The following GRIP1 variants were observed in gnomAD, a reference collection of about 807,000 sequenced individuals.
GRIP1 encodes the protein glutamate receptor interacting protein 1, also known as glutamate receptor-interacting protein 1.
GRIP1 carries 45 observed loss-of-function variants against 129.9 expected under a neutral mutation model. That is an observed-to-expected ratio of 0.35 (90% CI 0.27 to 0.44). GRIP1 has a LOEUF of 0.44. Ranked by LOEUF, GRIP1 falls within the 20% of genes least tolerant of loss-of-function variation. GRIP1 has a pLI of 1.00. For missense variants in GRIP1, 1,196 were observed against 1,396.8 expected, an observed-to-expected ratio of 0.86 and a Z score of 2.29; for synonymous variants, 530 against 520.8, an observed-to-expected ratio of 1.02 and a Z score of -0.24.
chr12:66,443,945 A>G (rs2058542448), intron 13 of GRIP1, among the ~76,000 whole-genome samples: 1 of 152,188 alleles, frequency 6.6e-6, no homozygotes, highest in Non-Finnish European at 1.5e-5. Context: ...TTGCAGTGTG[A>G]AGGGTCAAAG....
In GRIP1 at chr12:66,568,676, G is replaced by T. The variant is rs371565296; in HGVS notation, c.137-26726C>A. ...TGAGCCATGTTGATGACATTCATCA[G>T]CATTGTAGAATTCATCTTCACTGCT... On this transcript the variant is annotated intron_variant, in intron 2 of 24. Transcript: ENST00000359742. The T allele has an allele frequency of 8.2e-4, 186 of 226,620 alleles. 2 individuals carry two copies. In the South Asian group the frequency reaches 0.012, roughly 14 times the overall value. 14.0% of individuals were successfully genotyped at this position (226,620 alleles called of 1,614,324 possible). A position where few individuals can be genotyped will look rare whatever the true frequency, so the allele number is the denominator to read the frequency against.
intron 1 of GRIP1, among the ~76,000 whole-genome samples, chr12:66,749,955 C>A (rs1203769518): frequency 6.6e-6 from 1 of 152,136 alleles, no homozygotes; most frequent in Non-Finnish European, 1.5e-5. Context: ...TCATAGTCTT[C>A]TCATTTCTCA....
intron 1 of GRIP1, among the ~76,000 whole-genome samples, chr12:66,781,574 A>G (rs1404821357): frequency 6.6e-6 from 1 of 152,156 alleles, no homozygotes; most frequent in African/African-American, 2.4e-5. Context: ...TCCACAATCT[A>G]ATTTTAGAAT....
At chr12:67,062,924 T>C (rs2043559226) in intron 1 of GRIP1, among the ~76,000 whole-genome samples, 1 of 152,220 alleles carries the variant, frequency 6.6e-6, no homozygotes, top group Non-Finnish European at 1.5e-5. Flanking sequence ...ATAAAAATTA[T>C]TGATTGATTG....
At chr12:66,884,811 C>G (rs1384139472) in intron 1 of GRIP1, among the ~76,000 whole-genome samples, 1 of 152,008 alleles carries the variant, frequency 6.6e-6, no homozygotes, top group Non-Finnish European at 1.5e-5. Flanking sequence ...TTTTGAAATG[C>G]CATCTAAAAT....
intron 1 of GRIP1, among the ~76,000 whole-genome samples, chr12:66,654,186 C>T (rs191745724): frequency 8.2e-4 from 124 of 151,582 alleles, no homozygotes; most frequent in Middle Eastern, 3.4e-3. Context: ...GAGACAACTA[C>T]AAAAAATTTG....
At chr12:66,362,667 G>C (rs1194866966) in intron 23 of GRIP1, among the ~76,000 whole-genome samples, 3 of 151,868 alleles carry the variant, frequency 2.0e-5, no homozygotes, top group Non-Finnish European at 4.4e-5. Flanking sequence ...AGATGCATAA[G>C]GATATCAGGG....
At chr12:66,951,846 T>C (rs950660513) in intron 1 of GRIP1, among the ~76,000 whole-genome samples, 6 of 151,702 alleles carry the variant, frequency 4.0e-5, no homozygotes, top group African/African-American at 1.5e-4. Flanking sequence ...TATCAGGTTA[T>C]CTCCTAGGTT....
At position 66,533,724 on chromosome 12, in the gene GRIP1, A is replaced by G. The variant is rs181842785; in HGVS notation, c.419-3810T>C. Among the ~76,000 whole-genome samples the G allele has an allele frequency of 3.0e-4, 45 of 152,308 alleles. 2 individuals are homozygous for G. Among genetic ancestry groups the G allele is most frequent in the Admixed American group, 2.3e-3 (35 of 15,286 alleles). On this transcript the variant is annotated intron_variant, in intron 4 of 24. Coordinates refer to ENST00000359742, the MANE Select transcript of GRIP1 (RefSeq NM_001366722.1). ...TCTCTAAACACAGTCTCAAAGAATC[A>G]CATAATTTTAAAGTCAGAAAGAGCT...
intron 1 of GRIP1, among the ~76,000 whole-genome samples, chr12:66,941,763 T>G (rs1592372340): frequency 6.6e-6 from 1 of 152,226 alleles, no homozygotes; most frequent in Non-Finnish European, 1.5e-5. Context: ...GATGTACAAT[T>G]AAATGGCAGC....
chr12:66,949,190 A>G (rs1176969810), intron 1 of GRIP1, among the ~76,000 whole-genome samples: 1 of 152,218 alleles, frequency 6.6e-6, no homozygotes, highest in African/African-American at 2.4e-5. Flanking sequence ...AATAACTCGA[A>G]CACATAATTA....
intron 1 of GRIP1, among the ~76,000 whole-genome samples, chr12:67,031,008 C>T (rs1476256738): frequency 1.3e-5 from 2 of 152,186 alleles, no homozygotes; most frequent in East Asian, 3.9e-4. Flanking sequence ...TATAACCGCT[C>T]ACCTCACGAC....
chr12:66,365,987 C>A (rs751739140), intron 23 of GRIP1, among the ~76,000 whole-genome samples: 1 of 152,194 alleles, frequency 6.6e-6, no homozygotes, highest in Non-Finnish European at 1.5e-5. Flanking sequence ...GCATGGCAAG[C>A]GAGGTCTGCC....
At chr12:66,834,555 A>G (rs1464989867) in intron 1 of GRIP1, among the ~76,000 whole-genome samples, 1 of 152,206 alleles carries the variant, frequency 6.6e-6, no homozygotes, top group Non-Finnish European at 1.5e-5. Context: ...TAATTAATCA[A>G]TAGTACAGTT....
intron 1 of GRIP1, among the ~76,000 whole-genome samples, chr12:66,829,716 C>G (rs1469787369): frequency 6.6e-6 from 1 of 152,172 alleles, no homozygotes; most frequent in Non-Finnish European, 1.5e-5. Flanking sequence ...TTTCCCAAAC[C>G]ATTTGATCCT....
chr12:66,777,543 A>T (rs931341265), intron 1 of GRIP1, among the ~76,000 whole-genome samples: 1 of 152,208 alleles, frequency 6.6e-6, no homozygotes, highest in Admixed American at 6.6e-5. Context: ...TTAGATGTTT[A>T]TCATCTATCT....
At chr12:66,703,155 C>G (rs2035409013) in intron 1 of GRIP1, among the ~76,000 whole-genome samples, 1 of 152,064 alleles carries the variant, frequency 6.6e-6, no homozygotes. Flanking sequence ...GATATGGTGC[C>G]TTGACAGGGA....
chr12:66,944,790 GT>G (rs1195715144), intron 1 of GRIP1, among the ~76,000 whole-genome samples: 1 of 148,296 alleles, frequency 6.7e-6, no homozygotes, highest in Non-Finnish European at 1.5e-5. Flanking sequence ...GTGTTTTGTT[GT>G]TTGTTTTGTT....
chr12:66,808,793 G>A (rs1437398999), upstream of GRIP1, among the ~76,000 whole-genome samples: 1 of 152,090 alleles, frequency 6.6e-6, no homozygotes, highest in Non-Finnish European at 1.5e-5. Context: ...CATTTAGCTA[G>A]AGTCCCTCCC....
Sources: allele counts gnomAD v4.1 joint callset (sites outside exome capture counted in the v4.1 genomes callset), GRCh38; gene constraint gnomAD v4.1.1; transcripts MANE v1.5; gene names NCBI Gene and HGNC (gene_info 2026-07-23, HGNC 2026-07-21).